PTPRD: variants seen among roughly 807,000 people sequenced by gnomAD.
The protein encoded by PTPRD is receptor-type tyrosine-protein phosphatase delta.
In PTPRD, 34 loss-of-function variants were observed where a neutral mutation model predicts 214.5. The ratio of observed to expected loss-of-function variants is 0.16; its 90% CI spans 0.12 to 0.21. The LOEUF (loss-of-function observed/expected upper bound fraction) is 0.21, where lower values mean the gene tolerates loss of function less well. Ranked by LOEUF, PTPRD falls within the 10% of genes least tolerant of loss-of-function variation. The probability of loss-of-function intolerance (pLI) is 1.00; values close to 1 mark genes in which losing one functional copy is unlikely to be tolerated. For synonymous variants in PTPRD, 1,128 were observed against 845.7 expected (o/e 1.33, Z -5.79); for missense variants, 2,545 against 2,398.7 (o/e 1.06, Z -1.27).
intron 9 of PTPRD, among the ~76,000 whole-genome samples, chr9:9,293,804 T>C (rs898626882): frequency 6.6e-6 from 1 of 151,706 alleles, no homozygotes; most frequent in Non-Finnish European, 1.5e-5. Context: ...ACTGCAGTTG[T>C]AACTTTTGCA....
At chr9:9,651,465 G>T (rs959857831) in intron 7 of PTPRD, among the ~76,000 whole-genome samples, 22 of 151,784 alleles carry the variant, frequency 1.4e-4, no homozygotes, top group African/African-American at 5.1e-4. Context: ...TCATCATTTG[G>T]CTCCCACTTG....
intron 4 of PTPRD, among the ~76,000 whole-genome samples, chr9:10,009,794 C>A (rs185579655): frequency 6.6e-6 from 1 of 151,984 alleles, no homozygotes. Flanking sequence ...ATTTTAATTT[C>A]TTTCAGGGCC....
At chr9:10,287,494 T>C (rs1467375587) in intron 3 of PTPRD, among the ~76,000 whole-genome samples, 1 of 152,116 alleles carries the variant, frequency 6.6e-6, no homozygotes, top group Non-Finnish European at 1.5e-5. Context: ...CTGAGTGCCA[T>C]GAAAAGTATC....
chr9:9,791,884 C>G (rs1260598229), intron 5 of PTPRD, among the ~76,000 whole-genome samples: 1 of 152,054 alleles, frequency 6.6e-6, no homozygotes, highest in Admixed American at 6.6e-5. Context: ...TTTTCTTATG[C>G]TTAGAAGCTT....
intron 2 of PTPRD, among the ~76,000 whole-genome samples, chr9:10,538,770 G>A (rs2058451055): frequency 6.6e-6 from 1 of 152,018 alleles, no homozygotes; most frequent in African/African-American, 2.4e-5. Context: ...CTTAAAATGT[G>A]TAACAAATTT....
chr9:8,672,387 A>C (rs1334530405), intron 12 of PTPRD, among the ~76,000 whole-genome samples: 2 of 152,262 alleles, frequency 1.3e-5, no homozygotes, highest in South Asian at 4.1e-4. Context: ...ATTTGACACT[A>C]CACATATCTA....
intron 2 of PTPRD, among the ~76,000 whole-genome samples, chr9:10,502,200 C>T (rs2043991870): frequency 6.6e-6 from 1 of 151,000 alleles, no homozygotes; most frequent in South Asian, 2.1e-4. Context: ...TAAGGAAAAC[C>T]TATTAAAAAG....
intron 3 of PTPRD, among the ~76,000 whole-genome samples, chr9:10,336,999 A>G: frequency 6.6e-6 from 1 of 151,466 alleles, no homozygotes; most frequent in East Asian, 1.9e-4. Flanking sequence ...CCATCTGACA[A>G]ACTAGACAAG....
intron 3 of PTPRD, among the ~76,000 whole-genome samples, chr9:10,078,153 T>C (rs1467042266): frequency 6.6e-6 from 1 of 151,922 alleles, no homozygotes; most frequent in Admixed American, 6.6e-5. Context: ...CATACATACA[T>C]TTCTAAATAT....
intron 3 of PTPRD, among the ~76,000 whole-genome samples, chr9:10,089,223 A>AAATT (rs1399140387): frequency 6.6e-6 from 1 of 150,640 alleles, no homozygotes; most frequent in African/African-American, 2.4e-5. Flanking sequence ...ATAAATAAAT[A>AAATT]AATAAATAAA....
intron 2 of PTPRD, among the ~76,000 whole-genome samples, chr9:10,435,758 AT>A (rs1238157228): frequency 2.0e-4 from 31 of 151,982 alleles, no homozygotes; most frequent in African/African-American, 7.5e-4. Flanking sequence ...AGGGTTACAC[AT>A]TTTGGCTCTC....
chr9:8,354,643 C>T (rs539239523), intron 39 of PTPRD, among the ~76,000 whole-genome samples: 3 of 152,284 alleles, frequency 2.0e-5, no homozygotes, highest in African/African-American at 7.2e-5. Context: ...GTTGGTTTGA[C>T]TCAAGTAGTT....
At chr9:8,961,891 C>G (rs558570444) in intron 11 of PTPRD, among the ~76,000 whole-genome samples, 29 of 152,206 alleles carry the variant, frequency 1.9e-4, no homozygotes, top group African/African-American at 7.0e-4. Context: ...GAAAACCCCA[C>G]TTCCAAACAA....
chr9:9,268,369 A>C (rs761752102), intron 9 of PTPRD, among the ~76,000 whole-genome samples: 2 of 151,258 alleles, frequency 1.3e-5, no homozygotes, highest in Non-Finnish European at 1.5e-5. Context: ...GAAAAAACGC[A>C]AGTATATAAA....
At chr9:9,807,656 C>A (rs77321081) in intron 5 of PTPRD, among the ~76,000 whole-genome samples, 2 of 152,124 alleles carry the variant, frequency 1.3e-5, no homozygotes, top group Non-Finnish European at 1.5e-5. Flanking sequence ...ATATTCACTT[C>A]GGAAACAAAA....
chr9:9,564,476 T>C (rs111868727), intron 8 of PTPRD, among the ~76,000 whole-genome samples: 1 of 152,076 alleles, frequency 6.6e-6, no homozygotes, highest in Non-Finnish European at 1.5e-5. Context: ...CCACATTAGA[T>C]CAACTAAATT....
At chr9:8,513,080 T>C (rs2097713608) in intron 21 of PTPRD, among the ~76,000 whole-genome samples, 1 of 152,018 alleles carries the variant, frequency 6.6e-6, no homozygotes, top group Non-Finnish European at 1.5e-5. Context: ...ATTCCCCATA[T>C]TTTCAAGGTA....
chr9:8,884,483 AG>A (rs2098470779), intron 11 of PTPRD, among the ~76,000 whole-genome samples: 1 of 152,162 alleles, frequency 6.6e-6, no homozygotes, highest in Non-Finnish European at 1.5e-5. Flanking sequence ...TTGAGTTTGG[AG>A]CTGGACTAAG....
chr9:8,844,653 C>A (rs896959322), intron 11 of PTPRD, among the ~76,000 whole-genome samples: 1 of 152,140 alleles, frequency 6.6e-6, no homozygotes, highest in African/African-American at 2.4e-5. Flanking sequence ...ATAGCTGCCA[C>A]AAATCCTTTT....
Sources: gnomAD v4.1 joint callset for allele counts (sites outside exome capture counted in the v4.1 genomes callset) on GRCh38, gnomAD v4.1.1 for gene constraint, MANE v1.5 for transcripts, NCBI Gene and HGNC (gene_info 2026-07-23, HGNC 2026-07-21) for gene names.